ARMC8: variants seen among roughly 807,000 people sequenced by gnomAD.
ARMC8 encodes the protein armadillo repeat containing 8.
Under a neutral mutation model 99.3 loss-of-function variants are expected in ARMC8, and 20 were observed. The observed-to-expected ratio is 0.20, with a 90% CI of 0.14 to 0.29. ARMC8 has a LOEUF of 0.29. Ranked by LOEUF, ARMC8 falls within the 10% of genes least tolerant of loss-of-function variation. ARMC8 has a pLI of 1.00. For missense variants in ARMC8, 569 were observed against 809.5 expected (o/e 0.70, Z 3.60); for synonymous variants, 263 against 278.3 (o/e 0.95, Z 0.55).
chr3:138,234,977 T>G (rs2046254200), intron 6 of ARMC8, 57 bp from the exon 7 acceptor site: 1 of 1,394,858 alleles, frequency 7.2e-7, no homozygotes. Flanking sequence ...AAATGTGGTT[T>G]TATTGGAATG....
intron 18 of ARMC8, among the ~76,000 whole-genome samples, chr3:138,283,881 A>G (rs1458528832): frequency 6.6e-6 from 1 of 152,150 alleles, no homozygotes; most frequent in East Asian, 1.9e-4. Flanking sequence ...ACAGGGTTCA[A>G]AAAAGTTAAA....
At position 138,187,583 on chromosome 3, in the gene ARMC8, G is replaced by A. The variant is rs1426692493; in HGVS notation, c.29G>A (p.Arg10His). The A allele has an allele frequency of 6.5e-7, 1 of 1,535,746 alleles. No individual in the cohort carries two copies. The highest frequency in any genetic ancestry group is 1.7e-4 in the Middle Eastern group (1 of 5,988). The change falls in exon 1 of 22, where the codon CGC becomes CAC. Residue 10 changes from arginine (R) to histidine (H), a missense_variant. Physicochemically the swap from Arg to His is conservative, Grantham distance 29. Coordinates refer to ENST00000469044, the MANE Select transcript of ARMC8 (RefSeq NM_001363941.2). ...GCGTGCTTGTTGGAGACCCCAATCC[G>A]CATGAGCGTCCTTTCGGTGAGTGAC... MACLLETPIRMSVLSEVTAS... is the reference protein window; with the variant it reads MACLLETPIHMSVLSEVTAS...
At chr3:138,235,772 C>G (rs1365045058) in intron 7 of ARMC8, among the ~76,000 whole-genome samples, 1 of 147,412 alleles carries the variant, frequency 6.8e-6, no homozygotes, top group Admixed American at 6.8e-5. Context: ...TGTCCTCTTG[C>G]AGTGACTCCA....
intron 3 of ARMC8, 34 bp downstream of exon 3, chr3:138,222,031 C>T (rs753071280): frequency 2.6e-5 from 40 of 1,526,058 alleles, no homozygotes; most frequent in Admixed American, 3.4e-5. Context: ...TCTTGCCATT[C>T]ATACTAGTTT....
intron 1 of ARMC8, 35 bp downstream of exon 1, chr3:138,187,634 C>T (rs1213343601): frequency 3.1e-5 from 47 of 1,534,244 alleles, no homozygotes; most frequent in Non-Finnish European, 4.4e-6. Context: ...GCCCGCCCTC[C>T]AGGAAGCCTC....
At chr3:138,245,761 A>C (rs2046851392) in intron 12 of ARMC8, 1 of 986,878 alleles carries the variant, frequency 1.0e-6, no homozygotes. Flanking sequence ...CCCTTATGTT[A>C]CTAAAGCCTA....
chr3:138,213,808 TTAACA>T (rs1340621532), intron 2 of ARMC8, among the ~76,000 whole-genome samples: 1 of 152,214 alleles, frequency 6.6e-6, no homozygotes, highest in South Asian at 2.1e-4. Context: ...TTTTGTTTTC[TTAACA>T]TAACAAAATT....
At chr3:138,250,763 A>G (rs116109603) in intron 12 of ARMC8, among the ~76,000 whole-genome samples, 2,185 of 152,316 alleles carry the variant, frequency 0.014, 28 homozygotes, top group Non-Finnish European at 0.021. Context: ...TTTTGAACCA[A>G]TGTAATTTTT....
chr3:138,211,523 C>T (rs2044696064), intron 2 of ARMC8, among the ~76,000 whole-genome samples: 1 of 152,176 alleles, frequency 6.6e-6, no homozygotes, highest in South Asian at 2.1e-4. Flanking sequence ...AGAATTATGA[C>T]AAAGCAGCTA....
chr3:138,209,781 G>C (rs2044591990), intron 1 of ARMC8, 36 bp from the exon 2 acceptor site: 10 of 1,571,788 alleles, frequency 6.4e-6, no homozygotes, highest in Non-Finnish European at 7.9e-6. Flanking sequence ...GATTTGCATG[G>C]CTTCAGATGT....
chr3:138,188,300 A>AG, intron 1 of ARMC8: 3 of 1,030,144 alleles, frequency 2.9e-6, no homozygotes, highest in Non-Finnish European at 4.0e-6. Context: ...CAAACATTGA[A>AG]GGGGGGAAAA....
rs534182624 is a variant in ARMC8 at position 138,282,846 on chromosome 3, T to A, written c.1726-1585T>A. Among the ~76,000 whole-genome samples, 13 of 152,272 alleles carry A rather than the reference T, an allele frequency of 8.5e-5. No homozygotes were observed. In the South Asian group the frequency reaches 2.1e-3, roughly 24 times the overall value. On this transcript the variant is annotated intron_variant, in intron 18 of 21. Transcript: ENST00000469044. ...TGGCATGCTCATGTCTGCCCCTTCA[T>A]AAGATCTTTTCCGCAAGAGACTAAC...
At position 138,296,105 on chromosome 3, in the gene ARMC8, T is replaced by G; in HGVS notation, c.*213T>G. On this transcript the variant is annotated 3_prime_UTR_variant, in exon 22 of 22. Coordinates refer to ENST00000469044, the MANE Select transcript of ARMC8 (RefSeq NM_001363941.2). Reference sequence around the variant, plus strand: ...CTCAGAAGACTCTTGTGTTTTGTTTTGGTTTTTTTTTCTGAGCTACTCGGA... The same window carrying G: ...CTCAGAAGACTCTTGTGTTTTGTTTGGGTTTTTTTTTCTGAGCTACTCGGA... 2.0e-6 allele frequency: 1 copy of G among 502,378 alleles called. No homozygotes were observed. The highest frequency in any genetic ancestry group is 3.5e-6 in the Non-Finnish European group (1 of 287,210). 31.1% of individuals were successfully genotyped at this position (502,378 alleles called of 1,614,324 possible). A position where few individuals can be genotyped will look rare whatever the true frequency, so the allele number is the denominator to read the frequency against.
At chr3:138,290,215 A>G (rs1036698229) in intron 20 of ARMC8, among the ~76,000 whole-genome samples, 1 of 152,166 alleles carries the variant, frequency 6.6e-6, no homozygotes, top group Non-Finnish European at 1.5e-5. Context: ...ATGTCCTGAA[A>G]GAAGTGGTGA....
In ARMC8 at chr3:138,274,496, C is replaced by G. The variant is rs1190321506; in HGVS notation, c.1677C>G (p.Ala559=). 1 of 1,612,922 alleles carries G rather than the reference C, an allele frequency of 6.2e-7. No homozygotes were observed. Residue 559 remains alanine, a synonymous_variant, in exon 18 of 22, where the codon GCC becomes GCG. Coordinates refer to ENST00000469044, the MANE Select transcript of ARMC8 (RefSeq NM_001363941.2). ...CTCATGGAAAGCAAATTATGCAAGC[C>G]GTCACTCTTATTCTAGAAGGGGAAC... ...MSTHGKQIMQ[A]VTLILEGEHN...
intron 18 of ARMC8, among the ~76,000 whole-genome samples, chr3:138,278,944 T>G (rs972832541): frequency 6.6e-6 from 1 of 152,228 alleles, no homozygotes; most frequent in Non-Finnish European, 1.5e-5. Flanking sequence ...GTGAATTACT[T>G]AAAATTTTCA....
intron 12 of ARMC8, among the ~76,000 whole-genome samples, chr3:138,260,208 G>C (rs2047629164): frequency 6.6e-6 from 1 of 152,124 alleles, no homozygotes; most frequent in African/African-American, 2.4e-5. Flanking sequence ...ACTCTAAGTA[G>C]ACCTGAACCA....
At chr3:138,200,239 T>A (rs1265403749) in intron 1 of ARMC8, among the ~76,000 whole-genome samples, 1 of 152,210 alleles carries the variant, frequency 6.6e-6, no homozygotes, top group Non-Finnish European at 1.5e-5. Flanking sequence ...ATACCAGAAG[T>A]AATTAAGTAA....
At chr3:138,227,020 G>A (rs1394732150) in intron 5 of ARMC8, among the ~76,000 whole-genome samples, 3 of 152,190 alleles carry the variant, frequency 2.0e-5, no homozygotes, top group Non-Finnish European at 4.4e-5. Context: ...ACTTCCATGA[G>A]TTGGAGTGTG....
Sources: allele counts gnomAD v4.1 joint callset (sites outside exome capture counted in the v4.1 genomes callset), GRCh38; gene constraint gnomAD v4.1.1; transcripts MANE v1.5; gene names NCBI Gene and HGNC (gene_info 2026-07-23, HGNC 2026-07-21).